CEP128: variants seen among roughly 807,000 people sequenced by gnomAD.
CEP128 encodes centrosomal protein 128.
Under a neutral mutation model 156.7 loss-of-function variants are expected in CEP128, and 132 were observed. The observed-to-expected ratio is 0.84, with a 90% CI of 0.73 to 0.97. The LOEUF (loss-of-function observed/expected upper bound fraction) is 0.97, where lower values mean the gene tolerates loss of function less well. CEP128 is among the 50% of genes least tolerant of loss of function. The pLI, the probability that CEP128 is intolerant of heterozygous loss-of-function variation, is 0.00. For missense variants in CEP128, 1,252 were observed against 1,281.9 expected, an observed-to-expected ratio of 0.98 and a Z score of 0.36; for synonymous variants, 469 against 448.9, an observed-to-expected ratio of 1.04 and a Z score of -0.57.
intron 2 of CEP128, among the ~76,000 whole-genome samples, chr14:80,929,965 T>C (rs189247474): frequency 1.3e-5 from 2 of 152,228 alleles, no homozygotes; most frequent in African/African-American, 4.8e-5. Context: ...AAGTTTCATC[T>C]GTATTTACAG....
intron 19 of CEP128, among the ~76,000 whole-genome samples, chr14:80,687,216 CA>C (rs1464684822): frequency 6.6e-6 from 1 of 152,084 alleles, no homozygotes; most frequent in Non-Finnish European, 1.5e-5. Flanking sequence ...GAAATCATAA[CA>C]AACACTCTCT....
intron 7 of CEP128, among the ~76,000 whole-genome samples, chr14:80,899,226 G>C (rs1389279263): frequency 6.6e-6 from 1 of 152,186 alleles, no homozygotes; most frequent in Non-Finnish European, 1.5e-5. Context: ...TGTGTGGGAT[G>C]ATTTAGACAG....
At chr14:80,765,266 C>T (rs548277842) in intron 16 of CEP128, among the ~76,000 whole-genome samples, 16 of 152,300 alleles carry the variant, frequency 1.1e-4, no homozygotes, top group East Asian at 1.9e-4. Flanking sequence ...AATGAAGTAG[C>T]GCTTTCTCGC....
chr14:80,707,545 T>C (rs139028800), intron 19 of CEP128, among the ~76,000 whole-genome samples: 1 of 152,326 alleles, frequency 6.6e-6, no homozygotes, highest in East Asian at 1.9e-4. Flanking sequence ...CTTGGTGCTA[T>C]AGATACACTC....
At chr14:80,597,531 A>G (rs1265362639) in intron 19 of CEP128, among the ~76,000 whole-genome samples, 5 of 152,110 alleles carry the variant, frequency 3.3e-5, no homozygotes, top group Non-Finnish European at 7.4e-5. Context: ...AATTTCTTTC[A>G]GAAAACAGAA....
intron 8 of CEP128, among the ~76,000 whole-genome samples, chr14:80,887,464 A>T (rs992960458): frequency 6.6e-6 from 1 of 152,204 alleles, no homozygotes; most frequent in Admixed American, 6.5e-5. Flanking sequence ...AGAACTCAGG[A>T]TTAAGAAATT....
chr14:80,483,209 G>C (rs573076164), intron 14 of CEP128, among the ~76,000 whole-genome samples: 1 of 152,168 alleles, frequency 6.6e-6, no homozygotes, highest in African/African-American at 2.4e-5. Context: ...CAAGGATTTT[G>C]TTCCACATTA....
At chr14:80,494,265 G>T (rs142479934), downstream of CEP128, among the ~76,000 whole-genome samples, 30 of 152,136 alleles carry the variant, frequency 2.0e-4, 1 homozygote, top group East Asian at 5.8e-3. Flanking sequence ...AGATGCTTTC[G>T]TGAGAACAGC....
intron 16 of CEP128, among the ~76,000 whole-genome samples, chr14:80,764,872 GTTTT>G (rs1484898744): frequency 6.6e-6 from 1 of 152,114 alleles, no homozygotes; most frequent in African/African-American, 2.4e-5. Context: ...CCTTTCCCCT[GTTTT>G]TTATTTGATT....
chr14:80,820,772 C>T (rs1403528659), intron 13 of CEP128, among the ~76,000 whole-genome samples: 1 of 152,180 alleles, frequency 6.6e-6, no homozygotes, highest in South Asian at 2.1e-4. Flanking sequence ...CTACAGAACA[C>T]TAGTCCATCA....
At chr14:80,679,905 C>G (rs560290386) in intron 19 of CEP128, among the ~76,000 whole-genome samples, 36 of 152,304 alleles carry the variant, frequency 2.4e-4, no homozygotes, top group Non-Finnish European at 4.1e-4. Flanking sequence ...TCTCTTTGTA[C>G]TCTTTCTCTT....
At chr14:80,839,241 T>C (rs1009705612) in intron 10 of CEP128, among the ~76,000 whole-genome samples, 2 of 152,258 alleles carry the variant, frequency 1.3e-5, no homozygotes, top group East Asian at 1.9e-4. Flanking sequence ...GTTTGCATTC[T>C]GTAACAGTAA....
chr14:80,784,788 T>G, intron 15 of CEP128, 107 bp downstream of exon 15: 1 of 987,068 alleles, frequency 1.0e-6, no homozygotes. Context: ...TATCTTCCCT[T>G]CAGTGCTTGG....
downstream of CEP128, among the ~76,000 whole-genome samples, chr14:80,495,883 C>T (rs551243125): frequency 2.6e-5 from 4 of 152,240 alleles, no homozygotes; most frequent in South Asian, 8.3e-4. Flanking sequence ...TGATGTTGGT[C>T]AAACCATCAA....
At chr14:80,746,361 A>G (rs1899099837) in intron 18 of CEP128, among the ~76,000 whole-genome samples, 1 of 152,210 alleles carries the variant, frequency 6.6e-6, no homozygotes, top group African/African-American at 2.4e-5. Flanking sequence ...ACAGTAGTCA[A>G]GATGGTGTGG....
At chr14:80,629,709 T>C (rs1330013719) in intron 19 of CEP128, among the ~76,000 whole-genome samples, 5 of 152,040 alleles carry the variant, frequency 3.3e-5, no homozygotes, top group Non-Finnish European at 5.9e-5. Context: ...TTATTGTTTG[T>C]TGATTTTAAT....
chr14:80,492,709 G>C (rs1266817158), downstream of CEP128, among the ~76,000 whole-genome samples: 1 of 152,054 alleles, frequency 6.6e-6, no homozygotes, highest in African/African-American at 2.4e-5. Context: ...AAGTACACCA[G>C]ACTCTCAATT....
At chr14:80,847,939 T>A (rs1274923172) in intron 9 of CEP128, among the ~76,000 whole-genome samples, 2 of 152,192 alleles carry the variant, frequency 1.3e-5, no homozygotes, top group African/African-American at 4.8e-5. Context: ...ATAGTTACTA[T>A]ACAGTAAGCA....
intron 14 of CEP128, among the ~76,000 whole-genome samples, chr14:80,788,616 C>T (rs897923335): frequency 1.3e-5 from 2 of 152,090 alleles, no homozygotes; most frequent in African/African-American, 2.4e-5. Context: ...TCCTCTTATT[C>T]ACAGCATCAA....
Sources: gnomAD v4.1 joint callset for allele counts (sites outside exome capture counted in the v4.1 genomes callset) on GRCh38, gnomAD v4.1.1 for gene constraint, MANE v1.5 for transcripts, NCBI Gene and HGNC (gene_info 2026-07-23, HGNC 2026-07-21) for gene names.